PLXDC2: variants seen among roughly 807,000 people sequenced by gnomAD.
PLXDC2 encodes the protein plexin domain-containing protein 2.
PLXDC2 carries 40 observed loss-of-function variants against 68.9 expected under a neutral mutation model. The ratio of observed to expected loss-of-function variants is 0.58; its 90% CI spans 0.45 to 0.76. The LOEUF (loss-of-function observed/expected upper bound fraction) is 0.76. Among genes scored for constraint, PLXDC2 ranks in the 30% least tolerant of loss-of-function variants. The pLI is 0.00. For synonymous variants in PLXDC2, 243 were observed against 234.2 expected (o/e 1.04, Z -0.34); for missense variants, 644 against 661.9 (o/e 0.97, Z 0.30).
intron 2 of PLXDC2, among the ~76,000 whole-genome samples, chr10:20,044,289 CTT>C: frequency 1.3e-5 from 1 of 78,022 alleles, no homozygotes; most frequent in African/African-American, 5.0e-5. Context: ...TTCTTTCTTT[CTT>C]TCTTCTTTCT....
In PLXDC2 at chr10:19,990,602, G is replaced by C. The variant is rs538339211; in HGVS notation, c.113-11173G>C. On this transcript the variant is annotated intron_variant, in intron 1 of 13. Transcript: ENST00000377252. ...CATTTTAGTGCTTAATTCTTAACTG[G>C]TTGTTTGTATGTTTAAGGAATATAT... Among the ~76,000 whole-genome samples, 179 of 152,002 alleles carry C rather than the reference G, an allele frequency of 1.2e-3. 1 individual carries two copies. Among genetic ancestry groups the C allele is most frequent in the African/African-American group, 4.1e-3 (169 of 41,458 alleles).
intron 12 of PLXDC2, among the ~76,000 whole-genome samples, chr10:20,232,544 G>GA (rs911628679): frequency 1.3e-5 from 2 of 151,922 alleles, no homozygotes; most frequent in South Asian, 2.1e-4. Context: ...CTACTCAGCA[G>GA]AAAAAAAATA....
rs1836116293 is a variant in PLXDC2, at chr10:20,284,083, T to C, written c.*4264T>C. 6.6e-6 allele frequency: 1 copy of C among 152,134 alleles called. No homozygotes were observed. The highest frequency in any genetic ancestry group is 6.5e-5 in the Admixed American group (1 of 15,274). 9.4% of individuals were successfully genotyped at this position (152,134 alleles called of 1,614,324 possible). On this transcript the variant is annotated 3_prime_UTR_variant, in exon 14 of 14. Transcript: ENST00000377252. ...GATCGCTTCAAGATGCTTTCGTTTA[T>C]GATAGGAAATTAATATTTAAATAAG...
intron 9 of PLXDC2, among the ~76,000 whole-genome samples, chr10:20,211,178 C>A (rs912491275): frequency 1.3e-5 from 2 of 152,072 alleles, no homozygotes; most frequent in Admixed American, 6.6e-5. Context: ...AACCCCACAA[C>A]TGCCAAGTTA....
chr10:19,882,120 G>T (rs182140362), intron 1 of PLXDC2, among the ~76,000 whole-genome samples: 27 of 152,298 alleles, frequency 1.8e-4, no homozygotes, highest in Non-Finnish European at 3.2e-4. Flanking sequence ...TCTCATGATG[G>T]ATTCCTAAAT....
chr10:20,089,516 T>C (rs1833248827), intron 4 of PLXDC2, among the ~76,000 whole-genome samples: 1 of 152,164 alleles, frequency 6.6e-6, no homozygotes, highest in South Asian at 2.1e-4. Flanking sequence ...AGGAACATTA[T>C]ATACAAGTCC....
At chr10:20,130,282 G>C (rs1833849957) in intron 4 of PLXDC2, among the ~76,000 whole-genome samples, 1 of 152,048 alleles carries the variant, frequency 6.6e-6, no homozygotes, top group African/African-American at 2.4e-5. Flanking sequence ...GTATGTGAGA[G>C]TGTTAATTTC....
In PLXDC2 at chr10:20,217,596, CTT is replaced by C. The variant is rs66483508; in HGVS notation, c.1273+47_1273+48del. ...CAGAAGGTACCCAAGAGATAGTTTG[CTT>C]TTTTTTTTTTTTTTTTTTTTTTTTT... On this transcript the variant is annotated intron_variant, in intron 11 of 13. Transcript: ENST00000377252. The C allele has an allele frequency of 0.24, 182,677 of 774,054 alleles. 5,827 individuals are homozygous for C. Among genetic ancestry groups the C allele is most frequent in the Middle Eastern group, 0.25 (422 of 1,716 alleles). 47.9% of individuals were successfully genotyped at this position (774,054 alleles called of 1,614,324 possible). A position where few individuals can be genotyped will look rare whatever the true frequency, so the allele number is the denominator to read the frequency against.
At chr10:19,985,599 A>T (rs1453531712) in intron 1 of PLXDC2, among the ~76,000 whole-genome samples, 1 of 152,220 alleles carries the variant, frequency 6.6e-6, no homozygotes, top group Non-Finnish European at 1.5e-5. Context: ...TTCTTCTCTG[A>T]GTCCACTCTT....
chr10:19,937,544 GTATATATATA>G (rs71388881), intron 1 of PLXDC2, among the ~76,000 whole-genome samples: 4,191 of 95,978 alleles, frequency 0.044, 117 homozygotes, highest in Non-Finnish European at 0.051. Context: ...TATAGTCAAT[GTATATATATA>G]TATATATATA....
intron 13 of PLXDC2, among the ~76,000 whole-genome samples, chr10:20,256,195 C>T (rs1041431800): frequency 5.9e-5 from 9 of 151,930 alleles, no homozygotes; most frequent in Non-Finnish European, 8.8e-5. Context: ...TACAGTGGCA[C>T]AATTTCAGCT....
intron 1 of PLXDC2, among the ~76,000 whole-genome samples, chr10:19,932,317 C>G (rs1305995630): frequency 6.6e-6 from 1 of 152,118 alleles, no homozygotes; most frequent in Non-Finnish European, 1.5e-5. Flanking sequence ...TTTCTTTTCT[C>G]TTGGCACACA....
rs569047620 is a variant in PLXDC2, at chr10:20,254,455, C to CT, written c.1473+8957dup. ...GAAATCACTTCATAGAACCACAAAT[C>CT]TTTTTTTGTCTTGAAGTCACATATT... On this transcript the variant is annotated intron_variant, in intron 13 of 13. Coordinates refer to ENST00000377252, the MANE Select transcript of PLXDC2 (RefSeq NM_032812.9). Among the ~76,000 whole-genome samples, 6 of 152,248 alleles carry CT rather than the reference C, an allele frequency of 3.9e-5. No individual in the cohort carries two copies. The South Asian group carries it at 8.3e-4, about 21-fold the overall frequency.
chr10:20,287,711 A>C lies in PLXDC2; in HGVS notation c.*7892A>C, dbSNP rs1280112058. On this transcript the variant is annotated 3_prime_UTR_variant, in exon 14 of 14. Coordinates refer to ENST00000377252, the MANE Select transcript of PLXDC2 (RefSeq NM_032812.9). ...AGACATCTTGTGTATGGCGTAACCC[A>C]GTCTTGGGGCCCTCACGGAGAAGAG... is the stretch of plus-strand genomic sequence containing the variant. 6.6e-6 allele frequency: 1 copy of C among 152,110 alleles called. No homozygotes were observed. Among genetic ancestry groups the C allele is most frequent in the Admixed American group, 6.5e-5 (1 of 15,270 alleles). The allele number at this position is 152,110 out of a possible 1,614,324, so 9.4% of individuals were successfully genotyped here. A position where few individuals can be genotyped will look rare whatever the true frequency, so the allele number is the denominator to read the frequency against.
chr10:20,012,303 C>CTCTTTTTTTTTT (rs1835129350), intron 2 of PLXDC2, among the ~76,000 whole-genome samples: 3 of 65,598 alleles, frequency 4.6e-5, no homozygotes, highest in African/African-American at 2.3e-4. Context: ...CTCTCTCTCT[C>CTCTTTTTTTTTT]TTTTTTATTT....
At chr10:20,247,689 G>T (rs1001946226) in intron 13 of PLXDC2, among the ~76,000 whole-genome samples, 2 of 152,126 alleles carry the variant, frequency 1.3e-5, no homozygotes, top group Non-Finnish European at 2.9e-5. Flanking sequence ...AGTCCAGTAT[G>T]CGCATGATTT....
intron 2 of PLXDC2, among the ~76,000 whole-genome samples, chr10:20,009,226 A>G (rs186521326): frequency 1.3e-5 from 2 of 152,334 alleles, no homozygotes; most frequent in African/African-American, 4.8e-5. Context: ...TCTTTACACT[A>G]CTATTGTGCT....
chr10:19,857,666 A>G (rs766485968), intron 1 of PLXDC2, among the ~76,000 whole-genome samples: 33 of 152,212 alleles, frequency 2.2e-4, no homozygotes, highest in South Asian at 4.1e-4. Flanking sequence ...AAATTGCATC[A>G]TGGCGCAGAG....
intron 1 of PLXDC2, among the ~76,000 whole-genome samples, chr10:19,998,563 A>G (rs1834878522): frequency 1.3e-5 from 2 of 152,180 alleles, no homozygotes; most frequent in Admixed American, 1.3e-4. Context: ...AACCAAAAGG[A>G]TATTCATGGA....
Sources: gnomAD v4.1 joint callset for allele counts (sites outside exome capture counted in the v4.1 genomes callset) on GRCh38, gnomAD v4.1.1 for gene constraint, MANE v1.5 for transcripts, NCBI Gene and HGNC (gene_info 2026-07-23, HGNC 2026-07-21) for gene names.